Variants in AMPH observed in about 807,000 individuals in gnomAD.
AMPH encodes amphiphysin, also known as amphiphysin (Stiff-Mann syndrome with breast cancer 128kD autoantigen).
AMPH carries 49 observed loss-of-function variants against 99.1 expected under a neutral mutation model. The ratio of observed to expected loss-of-function variants is 0.49; its 90% confidence interval spans 0.39 to 0.63. AMPH has a LOEUF of 0.63. AMPH is among the 20% of genes least tolerant of loss of function. The pLI is 0.00. For missense variants in AMPH, 759 were observed against 863.4 expected, an observed-to-expected ratio of 0.88 and a Z score of 1.52; for synonymous variants, 314 against 317.3, an observed-to-expected ratio of 0.99 and a Z score of 0.11.
At chr7:38,528,473 T>C (rs999858082) in intron 2 of AMPH, among the ~76,000 whole-genome samples, 4 of 152,170 alleles carry the variant, frequency 2.6e-5, no homozygotes, top group African/African-American at 9.6e-5. Context: ...TGGTTTGTGA[T>C]TGTAAAGGAA....
intron 1 of AMPH, among the ~76,000 whole-genome samples, chr7:38,546,014 G>T (rs1274231830): frequency 1.2e-4 from 19 of 152,170 alleles, no homozygotes; most frequent in Non-Finnish European, 4.4e-5. Flanking sequence ...ACTTCCTCTG[G>T]TAATGACTCC....
At chr7:38,413,578 T>A (rs1785275213) in intron 17 of AMPH, among the ~76,000 whole-genome samples, 1 of 152,160 alleles carries the variant, frequency 6.6e-6, no homozygotes, top group Non-Finnish European at 1.5e-5. Context: ...TGAGGGGCAT[T>A]GAAAATGTAA....
intron 7 of AMPH, among the ~76,000 whole-genome samples, chr7:38,474,197 A>G (rs1219263292): frequency 6.6e-6 from 1 of 152,132 alleles, no homozygotes; most frequent in East Asian, 1.9e-4. Flanking sequence ...TCCTGTAGGT[A>G]ACAATTGCAA....
At chr7:38,513,887 C>G (rs1238384112) in intron 2 of AMPH, among the ~76,000 whole-genome samples, 1 of 152,178 alleles carries the variant, frequency 6.6e-6, no homozygotes. Flanking sequence ...TCATTCTGGT[C>G]TAAATGAGTC....
In AMPH at chr7:38,386,800, G is replaced by A. The variant is rs376184334; in HGVS notation, c.1981-1875C>T. Among the ~76,000 whole-genome samples, 25 of 152,274 alleles carry A rather than the reference G, an allele frequency of 1.6e-4. No individual in the cohort carries two copies. In the East Asian group the frequency reaches 4.6e-3, roughly 28 times the overall value. ...AAGATGCTGGAAATGACCAAAAGGA[G>A]GCAGAAATTAGAAAGTATTTGACCC... is the stretch of plus-strand genomic sequence containing the variant. On this transcript the variant is annotated intron_variant, in intron 20 of 20. Coordinates refer to ENST00000356264, the MANE Select transcript of AMPH (RefSeq NM_001635.4).
At chr7:38,504,862 T>C (rs1413637735) in intron 2 of AMPH, among the ~76,000 whole-genome samples, 1 of 152,194 alleles carries the variant, frequency 6.6e-6, no homozygotes, top group Non-Finnish European at 1.5e-5. Context: ...TGAAAGTCGA[T>C]TTAAAACATG....
At chr7:38,532,856 A>G (rs1017100644) in intron 2 of AMPH, among the ~76,000 whole-genome samples, 1 of 152,202 alleles carries the variant, frequency 6.6e-6, no homozygotes, top group African/African-American at 2.4e-5. Flanking sequence ...TGCTAACAAC[A>G]TTAAAGTGCC....
chr7:38,422,318 C>G (rs539967487), intron 16 of AMPH, 103 bp downstream of exon 16: 9 of 939,162 alleles, frequency 9.6e-6, no homozygotes, highest in Non-Finnish European at 1.3e-5. Context: ...ATCCAGAAAC[C>G]ACATTCTGGA....
chr7:38,549,184 A>C (rs1014043092), intron 1 of AMPH, among the ~76,000 whole-genome samples: 2 of 152,242 alleles, frequency 1.3e-5, no homozygotes, highest in African/African-American at 4.8e-5. Context: ...CTGCTGTATC[A>C]AAAGGGCAGA....
chr7:38,590,640 T>C (rs1371194684), intron 1 of AMPH, among the ~76,000 whole-genome samples: 4 of 152,224 alleles, frequency 2.6e-5, no homozygotes, highest in Non-Finnish European at 5.9e-5. Flanking sequence ...GCCTAATTTG[T>C]ATTTTAGTGA....
intron 11 of AMPH, among the ~76,000 whole-genome samples, chr7:38,437,925 C>T (rs140640686): frequency 3.7e-4 from 57 of 152,280 alleles, no homozygotes; most frequent in African/African-American, 1.3e-3. Flanking sequence ...ATTAGCCTTG[C>T]ATTTTCTATT....
chr7:38,476,835 G>A lies in AMPH; in HGVS notation c.504+27C>T, dbSNP rs371976840. The A allele has an allele frequency of 1.8e-5, 27 of 1,526,198 alleles. No individual in the cohort carries two copies. The African/African-American group carries it at 3.4e-4, about 19-fold the overall frequency. 94.5% of individuals were successfully genotyped at this position (1,526,198 alleles called of 1,614,324 possible). On this transcript the variant is annotated intron_variant, in intron 6 of 20. Coordinates refer to ENST00000356264, the MANE Select transcript of AMPH (RefSeq NM_001635.4). ...CAACAGGTCATAAAATACGGAGAGTGGTATTCACCATGGGCTCAATCCCTA... is the reference window on the plus strand; with the variant it reads ...CAACAGGTCATAAAATACGGAGAGTAGTATTCACCATGGGCTCAATCCCTA...
chr7:38,425,798 CTATT>C (rs1785761809), intron 15 of AMPH, among the ~76,000 whole-genome samples: 1 of 152,200 alleles, frequency 6.6e-6, no homozygotes, highest in East Asian at 1.9e-4. Context: ...GGAAGTGAAA[CTATT>C]TACCTCTAAG....
chr7:38,462,445 C>T (rs1787484394), intron 10 of AMPH, among the ~76,000 whole-genome samples: 2 of 152,188 alleles, frequency 1.3e-5, no homozygotes, highest in African/African-American at 2.4e-5. Context: ...GTGGTAGTTT[C>T]TCTCTACAGT....
intron 17 of AMPH, among the ~76,000 whole-genome samples, chr7:38,409,759 T>C (rs114044787): frequency 0.023 from 3,500 of 152,268 alleles, 130 homozygotes; most frequent in African/African-American, 0.08. Context: ...CTGTTAGAAC[T>C]AGCTCCATCA....
chr7:38,498,018 C>T (rs1226762196), intron 3 of AMPH, among the ~76,000 whole-genome samples: 1 of 152,216 alleles, frequency 6.6e-6, no homozygotes, highest in East Asian at 1.9e-4. Context: ...TAAATTCCTA[C>T]TGGACATCTC....
At chr7:38,579,478 T>G (rs1792368052) in intron 1 of AMPH, among the ~76,000 whole-genome samples, 1 of 152,210 alleles carries the variant, frequency 6.6e-6, no homozygotes, top group African/African-American at 2.4e-5. Flanking sequence ...AATCCTAAGT[T>G]GCTTTACAAT....
At chr7:38,388,815 A>C (rs1784414815) in intron 20 of AMPH, among the ~76,000 whole-genome samples, 1 of 151,962 alleles carries the variant, frequency 6.6e-6, no homozygotes, top group Non-Finnish European at 1.5e-5. Flanking sequence ...AATTAAAAAA[A>C]AAATTTTTTG....
chr7:38,384,533 T>C lies in AMPH; in HGVS notation c.*285A>G. 1 of 298,506 alleles carries C rather than the reference T, an allele frequency of 3.4e-6. No individual in the cohort carries two copies. Among genetic ancestry groups the C allele is most frequent in the Non-Finnish European group, 6.5e-6 (1 of 154,306 alleles). The allele number at this position is 298,506 out of a possible 1,614,324, so 18.5% of individuals were successfully genotyped here. A position where few individuals can be genotyped will look rare whatever the true frequency, so the allele number is the denominator to read the frequency against. On this transcript the variant is annotated 3_prime_UTR_variant, in exon 21 of 21. Coordinates refer to ENST00000356264, the MANE Select transcript of AMPH (RefSeq NM_001635.4). ...AAAGTCTGATCTGGAGAAAGCTACT[T>C]TAGAATTGGTGGGAGGGGATCAAGT...
Sources: gnomAD v4.1 joint callset for allele counts (sites outside exome capture counted in the v4.1 genomes callset) on GRCh38, gnomAD v4.1.1 for gene constraint, MANE v1.5 for transcripts, NCBI Gene and HGNC (gene_info 2026-07-23, HGNC 2026-07-21) for gene names.